Variants in NFASC observed in about 807,000 individuals in gnomAD.
NFASC encodes neurofascin.
NFASC carries 43 observed loss-of-function variants against 147.5 expected under a neutral mutation model. The ratio of observed to expected loss-of-function variants is 0.29; its 90% confidence interval spans 0.23 to 0.38. NFASC has a LOEUF of 0.38. Among genes scored for constraint, NFASC ranks in the 10% least tolerant of loss-of-function variants. NFASC has a pLI of 1.00. For missense variants in NFASC, 1,320 were observed against 1,689.0 expected, an observed-to-expected ratio of 0.78 and a Z score of 3.83; for synonymous variants, 622 against 665.5, an observed-to-expected ratio of 0.93 and a Z score of 1.01.
intron 21 of NFASC, chr1:204,984,382 CATATATATATATATATATAT>C (rs55787898): frequency 1.0e-4 from 14 of 134,254 alleles, no homozygotes; most frequent in African/African-American, 3.6e-4. Flanking sequence ...TATATATACG[CATATATATATATATATATAT>C]ATATATATAC....
intron 1 of NFASC, among the ~76,000 whole-genome samples, chr1:204,881,061 C>G (rs1290829763): frequency 6.6e-6 from 1 of 152,214 alleles, no homozygotes; most frequent in African/African-American, 2.4e-5. Flanking sequence ...TGGATACGGG[C>G]AACTGAGGCT....
intron 2 of NFASC, among the ~76,000 whole-genome samples, chr1:204,927,681 A>G (rs548012521): frequency 1.3e-5 from 2 of 152,016 alleles, no homozygotes; most frequent in Admixed American, 6.6e-5. Context: ...GGGACCTGTC[A>G]CACAAGATTA....
chr1:204,997,394 A>T lies in NFASC; in HGVS notation c.3007A>T (p.Ile1003Leu), dbSNP rs1407280894. Reference sequence around the variant, plus strand: ...TCCCACCACCACCTCCGGGACTAAGATACACGAATCCGGTACTGCGCATCG... The same window carrying T: ...TCCCACCACCACCTCCGGGACTAAGTTACACGAATCCGGTACTGCGCATCG... The part of the protein sequence containing the change: ...SPPTTTSGTK[I>L]HESAPDEQSI... The change falls in exon 25 of 30, where the codon ATA becomes TTA. Residue 1003 changes from isoleucine to leucine, a missense_variant. By Grantham distance (5) the Ile-to-Leu change is conservative. Around this residue, in one of 3 missense-constraint regions of NFASC, gnomAD observed 172 missense variants for 165.8 expected, o/e 1.04. Transcript: ENST00000339876. 1.3e-6 allele frequency: 2 copies of T among 1,551,848 alleles called. No individual in the cohort carries two copies. Among genetic ancestry groups the T allele is most frequent in the Admixed American group, 3.9e-5 (2 of 50,982 alleles).
chr1:204,900,066 G>A (rs1331892672), intron 1 of NFASC, among the ~76,000 whole-genome samples: 1 of 152,204 alleles, frequency 6.6e-6, no homozygotes, highest in Non-Finnish European at 1.5e-5. Context: ...TATTGTTGAG[G>A]TGGAGATGGC....
chr1:204,867,879 C>T (rs982166593), intron 1 of NFASC, among the ~76,000 whole-genome samples: 1 of 152,212 alleles, frequency 6.6e-6, no homozygotes, highest in South Asian at 2.1e-4. Flanking sequence ...CTCCAAGGCT[C>T]TCTTCTAAAT....
chr1:204,965,122 C>T (rs549364986), intron 8 of NFASC, among the ~76,000 whole-genome samples: 8 of 152,266 alleles, frequency 5.3e-5, no homozygotes, highest in South Asian at 4.2e-4. Context: ...TGAGCTTTAG[C>T]GTATGGACTC....
In NFASC at chr1:204,991,310, C is replaced by T; in HGVS notation, c.2782+4C>T. ...TCTGAAGCTACTCCAACCGCAGGTA[C>T]CGTACCAGCCGCGGAGGTAATGGGC... On this transcript the variant is annotated splice_donor_region_variant and intron_variant, in intron 24 of 29. Coordinates refer to ENST00000339876, the MANE Select transcript of NFASC (RefSeq NM_001005388.3). 3 of 1,612,466 alleles carry T rather than the reference C, an allele frequency of 1.9e-6. No homozygotes were observed. Among genetic ancestry groups the T allele is most frequent in the African/African-American group, 1.3e-5 (1 of 75,052 alleles).
intron 1 of NFASC, among the ~76,000 whole-genome samples, chr1:204,842,881 G>A (rs879386605): frequency 6.6e-6 from 1 of 152,194 alleles, no homozygotes; most frequent in Non-Finnish European, 1.5e-5. Context: ...GCCTTGCTCA[G>A]ACACCTGGGA....
At chr1:204,865,867 A>G (rs911180117) in intron 1 of NFASC, among the ~76,000 whole-genome samples, 1 of 152,192 alleles carries the variant, frequency 6.6e-6, no homozygotes, top group Non-Finnish European at 1.5e-5. Context: ...GGATAGAAGT[A>G]TGTTCAGCCT....
chr1:204,857,919 CTT>C (rs58996261), intron 1 of NFASC, among the ~76,000 whole-genome samples: 13 of 122,558 alleles, frequency 1.1e-4, no homozygotes, highest in African/African-American at 6.6e-5. Flanking sequence ...TCTTCTTCTT[CTT>C]TTTTTTTTTT....
chr1:204,942,001 C>T (rs923132287), intron 2 of NFASC, among the ~76,000 whole-genome samples: 1 of 152,156 alleles, frequency 6.6e-6, no homozygotes, highest in South Asian at 2.1e-4. Context: ...TTTAATCATT[C>T]GTTCATTTTT....
chr1:205,001,916 A>G (rs377160976), intron 26 of NFASC, among the ~76,000 whole-genome samples: 1 of 152,222 alleles, frequency 6.6e-6, no homozygotes, highest in African/African-American at 2.4e-5. Context: ...CAATTAAGCC[A>G]ACTAACCCAG....
Position 204,968,001 on chromosome 1 carries a change from G to A in NFASC, c.707-248G>A. 2.4e-6 allele frequency: 1 copy of A among 416,320 alleles called. No individual in the cohort carries two copies. The highest frequency in any genetic ancestry group is 4.4e-6 in the Non-Finnish European group (1 of 226,992). 25.8% of individuals were successfully genotyped at this position (416,320 alleles called of 1,614,324 possible). ...GGAAGGGGAGATTCCCTGAACCTGA[G>A]GGAAGCTGGGCTCCTCCAGGCAGAT... On this transcript the variant is annotated intron_variant, in intron 8 of 29. Transcript: ENST00000339876. This position sits in a 1 kb window ranked among gnomAD's most constrained non-coding sequence, Gnocchi z 5.4.
chr1:205,016,792 T>C lies in NFASC; in HGVS notation c.*253T>C. 1 of 563,898 alleles carries C rather than the reference T, an allele frequency of 1.8e-6. No homozygotes were observed. 34.9% of individuals were successfully genotyped at this position (563,898 alleles called of 1,614,324 possible). On this transcript the variant is annotated 3_prime_UTR_variant, in exon 30 of 30. Coordinates refer to ENST00000339876, the MANE Select transcript of NFASC (RefSeq NM_001005388.3). The surrounding 1 kb of genome is among the most constrained non-coding windows in gnomAD (Gnocchi z 5.1). ...TGGCTGAGCTCAGCTGGAGGGAGCC[T>C]GGCCCCTTGCCCGGTCTCGCAGCCA...
intron 1 of NFASC, among the ~76,000 whole-genome samples, chr1:204,902,367 G>T (rs547623200): frequency 6.6e-6 from 1 of 152,162 alleles, no homozygotes; most frequent in African/African-American, 2.4e-5. Context: ...CAACTAATAC[G>T]TTGGCCTTAT....
intron 2 of NFASC, among the ~76,000 whole-genome samples, chr1:204,939,298 C>A (rs1484036265): frequency 1.3e-5 from 2 of 152,044 alleles, no homozygotes; most frequent in African/African-American, 4.8e-5. Flanking sequence ...ATAAAAGGAT[C>A]CTTCAAACAT....
intron 1 of NFASC, among the ~76,000 whole-genome samples, chr1:204,910,368 G>A (rs1044911028): frequency 1.3e-5 from 2 of 152,012 alleles, no homozygotes; most frequent in Non-Finnish European, 2.9e-5. Flanking sequence ...TTTATTATGT[G>A]CATATAGAGA....
chr1:204,999,831 CTATT>C (rs1282069415), intron 25 of NFASC: 1 of 152,348 alleles, frequency 6.6e-6, no homozygotes, highest in South Asian at 2.1e-4. Flanking sequence ...CCAATGCACT[CTATT>C]CATTTATTTT....
At chr1:204,920,359 CTG>C (rs1286616911) in intron 1 of NFASC, among the ~76,000 whole-genome samples, 5 of 151,270 alleles carry the variant, frequency 3.3e-5, no homozygotes, top group African/African-American at 1.2e-4. Context: ...AGCAATTAGA[CTG>C]TGGTGTCAGG....
Sources: allele counts gnomAD v4.1 joint callset (sites outside exome capture counted in the v4.1 genomes callset), GRCh38; gene constraint gnomAD v4.1.1; regional missense constraint gnomAD v4.1.1; non-coding constraint Gnocchi (gnomAD v3.1); transcripts MANE v1.5; gene names NCBI Gene and HGNC (gene_info 2026-07-23, HGNC 2026-07-21).